The following MACROD2 variants were observed in gnomAD, a reference collection of about 807,000 sequenced individuals.
MACROD2 encodes the protein ADP-ribose glycohydrolase MACROD2.
A neutral mutation model predicts 70.4 loss-of-function variants in MACROD2; 36 were observed. The ratio of observed to expected loss-of-function variants is 0.51; its 90% CI spans 0.39 to 0.68. MACROD2 has a LOEUF of 0.68. Among genes scored for constraint, MACROD2 ranks in the 30% least tolerant of loss-of-function variants. The pLI is 0.00. For synonymous variants in MACROD2, 172 were observed against 178.8 expected, an observed-to-expected ratio of 0.96 and a Z score of 0.30; for missense variants, 496 against 538.4, an observed-to-expected ratio of 0.92 and a Z score of 0.78.
At chr20:15,636,305 T>G (rs1177602949) in intron 8 of MACROD2, among the ~76,000 whole-genome samples, 1 of 152,118 alleles carries the variant, frequency 6.6e-6, no homozygotes, top group African/African-American at 2.4e-5. Flanking sequence ...AAGAACCAGA[T>G]AGAATATGTG....
intron 5 of MACROD2, among the ~76,000 whole-genome samples, chr20:15,172,467 G>T (rs1283703112): frequency 6.6e-6 from 1 of 152,166 alleles, no homozygotes; most frequent in Non-Finnish European, 1.5e-5. Flanking sequence ...GCTCATTGCA[G>T]CCTTGAACTC....
At chr20:15,152,495 A>AAGGGATCGGGGCACAGAGATAAGGGGTTG (rs1351354651) in intron 5 of MACROD2, among the ~76,000 whole-genome samples, 1 of 144,494 alleles carries the variant, frequency 6.9e-6, no homozygotes, top group Admixed American at 6.9e-5. Flanking sequence ...ATAAGAGGTT[A>AAGGGATCGGGGCACAGAGATAAGGGGTTG]GGGCATGGAA....
At chr20:15,606,847 G>A (rs189924) in intron 8 of MACROD2, among the ~76,000 whole-genome samples, 1 of 151,842 alleles carries the variant, frequency 6.6e-6, no homozygotes. Context: ...TATTAAAAAT[G>A]CAAAATTAGC....
At chr20:15,729,139 G>T (rs561685487) in intron 8 of MACROD2, among the ~76,000 whole-genome samples, 1 of 151,916 alleles carries the variant, frequency 6.6e-6, no homozygotes, top group Non-Finnish European at 1.5e-5. Context: ...TTATTTTATT[G>T]TTTACCCAGA....
At chr20:15,871,461 T>A (rs2064582628) in intron 9 of MACROD2, among the ~76,000 whole-genome samples, 1 of 152,362 alleles carries the variant, frequency 6.6e-6, no homozygotes, top group South Asian at 2.1e-4. Context: ...GTGCCTACTA[T>A]GTTCCCAAGG....
chr20:15,064,817 A>C (rs1317900577), intron 5 of MACROD2, among the ~76,000 whole-genome samples: 1 of 152,148 alleles, frequency 6.6e-6, no homozygotes, highest in African/African-American at 2.4e-5. Flanking sequence ...GTATGCACTT[A>C]TGTCCAAGTT....
At chr20:15,291,754 T>C (rs1771350418) in intron 6 of MACROD2, among the ~76,000 whole-genome samples, 1 of 152,194 alleles carries the variant, frequency 6.6e-6, no homozygotes, top group African/African-American at 2.4e-5. Context: ...GCACCTGATA[T>C]ATATCAATAA....
At chr20:14,954,652 A>C (rs2074505431) in intron 5 of MACROD2, among the ~76,000 whole-genome samples, 1 of 129,384 alleles carries the variant, frequency 7.7e-6, no homozygotes, top group Non-Finnish European at 1.6e-5. Context: ...AATATATATA[A>C]TTTAGGTAAA....
chr20:15,130,455 A>G (rs559790056), intron 5 of MACROD2, among the ~76,000 whole-genome samples: 18 of 151,862 alleles, frequency 1.2e-4, no homozygotes, highest in Non-Finnish European at 2.4e-4. Context: ...AATCCTGAAA[A>G]CACCCTACTC....
At chr20:14,575,457 T>C (rs956410300) in intron 4 of MACROD2, among the ~76,000 whole-genome samples, 4 of 152,190 alleles carry the variant, frequency 2.6e-5, no homozygotes, top group Non-Finnish European at 5.9e-5. Context: ...TTAAATGATG[T>C]CTTAGTATTT....
chr20:15,389,497 T>G (rs936130920), intron 6 of MACROD2, among the ~76,000 whole-genome samples: 2 of 152,232 alleles, frequency 1.3e-5, no homozygotes, highest in South Asian at 4.1e-4. Context: ...GAATTTTCCC[T>G]GGAAAAGTAA....
At chr20:15,679,590 A>T (rs1255738148) in intron 8 of MACROD2, among the ~76,000 whole-genome samples, 1 of 152,202 alleles carries the variant, frequency 6.6e-6, no homozygotes, top group Non-Finnish European at 1.5e-5. Flanking sequence ...GTGGTGTAGC[A>T]GCTTCTGATT....
intron 3 of MACROD2, among the ~76,000 whole-genome samples, chr20:14,388,167 GC>G (rs1048010638): frequency 1.3e-4 from 19 of 151,636 alleles, no homozygotes; most frequent in Non-Finnish European, 1.6e-4. Flanking sequence ...CTGCCACCAC[GC>G]CCGGCTAATT....
chr20:15,151,062 G>A (rs1008233220), intron 5 of MACROD2, among the ~76,000 whole-genome samples: 5 of 152,010 alleles, frequency 3.3e-5, no homozygotes, highest in African/African-American at 4.8e-5. Flanking sequence ...GGTCTACAGG[G>A]CTTCCGAGGC....
intron 12 of MACROD2, among the ~76,000 whole-genome samples, chr20:15,957,602 A>G (rs1328991119): frequency 1.3e-5 from 2 of 152,160 alleles, no homozygotes; most frequent in South Asian, 4.1e-4. Flanking sequence ...GCAACTAGTT[A>G]TTAAGTCATT....
intron 4 of MACROD2, among the ~76,000 whole-genome samples, chr20:14,498,378 A>T (rs904920661): frequency 1.3e-5 from 2 of 152,254 alleles, no homozygotes; most frequent in Non-Finnish European, 2.9e-5. Flanking sequence ...CACACCCATC[A>T]TCTGTTTCTA....
chr20:15,580,981 C>G (rs1278107822), intron 8 of MACROD2, among the ~76,000 whole-genome samples: 1 of 152,190 alleles, frequency 6.6e-6, no homozygotes, highest in African/African-American at 2.4e-5. Flanking sequence ...TGACAGACTT[C>G]CATTTTTCTT....
chr20:14,547,934 G>C (rs778552944), intron 4 of MACROD2, among the ~76,000 whole-genome samples: 1 of 152,140 alleles, frequency 6.6e-6, no homozygotes, highest in Admixed American at 6.5e-5. Flanking sequence ...GCTCCAAGAT[G>C]GGGGAGTGAA....
At chr20:14,244,237 T>C (rs973592489) in intron 3 of MACROD2, among the ~76,000 whole-genome samples, 6 of 152,162 alleles carry the variant, frequency 3.9e-5, no homozygotes, top group African/African-American at 1.4e-4. Flanking sequence ...TAGGATTTGA[T>C]TGCAGATATT....
Sources: gnomAD v4.1 joint callset for allele counts (sites outside exome capture counted in the v4.1 genomes callset) on GRCh38, gnomAD v4.1.1 for gene constraint, MANE v1.5 for transcripts, NCBI Gene and HGNC (gene_info 2026-07-23, HGNC 2026-07-21) for gene names.